Variants in RGS8 observed in about 807,000 individuals in gnomAD.
RGS8 encodes regulator of G protein signaling 8.
A neutral mutation model predicts 21.7 loss-of-function variants in RGS8; 8 were observed. The observed-to-expected ratio is 0.37, with a 90% CI of 0.22 to 0.66. The LOEUF (loss-of-function observed/expected upper bound fraction) is 0.66. RGS8 is among the 30% of genes least tolerant of loss of function. The probability of loss-of-function intolerance (pLI) is 0.59; values close to 1 mark genes in which losing one functional copy is unlikely to be tolerated. For synonymous variants in RGS8, 80 were observed against 83.6 expected (o/e 0.96, Z 0.24); for missense variants, 157 against 217.9 (o/e 0.72, Z 1.76).
upstream of RGS8, chr1:182,672,683 C>T: frequency 1.0e-6 from 1 of 994,514 alleles, no homozygotes. Context: ...CACCTCTCTC[C>T]CTCATCCATC....
At chr1:182,704,742 T>C in the RGS8 span, among the ~76,000 whole-genome samples, 3 of 152,200 alleles carry the variant, frequency 2.0e-5, no homozygotes, top group Non-Finnish European at 4.4e-5. Context: ...GGCAAGACCA[T>C]GTTGGACCCA....
At chr1:182,692,813 G>A in the RGS8 span, among the ~76,000 whole-genome samples, 1 of 151,566 alleles carries the variant, frequency 6.6e-6, no homozygotes, top group Non-Finnish European at 1.5e-5. Flanking sequence ...AGAGAACCCA[G>A]AAATAAAGCT....
chr1:182,689,860 TCA>T, the RGS8 span, among the ~76,000 whole-genome samples: 1 of 152,208 alleles, frequency 6.6e-6, no homozygotes, highest in Non-Finnish European at 1.5e-5. Flanking sequence ...CACTCATCAC[TCA>T]CAGAGTTTAA....
chr1:182,721,191 A>G, the RGS8 span, among the ~76,000 whole-genome samples: 3 of 151,330 alleles, frequency 2.0e-5, no homozygotes, highest in African/African-American at 7.3e-5. Flanking sequence ...AGAACCCCCA[A>G]TTTATTCATT....
At chr1:182,696,179 C>T in the RGS8 span, among the ~76,000 whole-genome samples, 1 of 152,154 alleles carries the variant, frequency 6.6e-6, no homozygotes, top group Non-Finnish European at 1.5e-5. Context: ...AAGAACCCAT[C>T]CAATTTAGGA....
At chr1:182,721,082 CATAT>C in the RGS8 span, among the ~76,000 whole-genome samples, 1 of 99,838 alleles carries the variant, frequency 1.0e-5, no homozygotes, top group African/African-American at 4.2e-5. Context: ...CATATATACA[CATAT>C]ATATGTGTGT....
At chr1:182,743,951 T>C in the RGS8 span, among the ~76,000 whole-genome samples, 1 of 152,186 alleles carries the variant, frequency 6.6e-6, no homozygotes, top group Non-Finnish European at 1.5e-5. Flanking sequence ...GAGTACTACC[T>C]CTTCCTGAAA....
upstream of RGS8, among the ~76,000 whole-genome samples, chr1:182,676,265 G>T (rs898115701): frequency 6.6e-6 from 1 of 152,206 alleles, no homozygotes; most frequent in African/African-American, 2.4e-5. Flanking sequence ...GAGAGTGGAG[G>T]AGGTTTATTG....
At chr1:182,698,393 C>T in the RGS8 span, among the ~76,000 whole-genome samples, 1 of 152,150 alleles carries the variant, frequency 6.6e-6, no homozygotes, top group Non-Finnish European at 1.5e-5. Context: ...AAGTAATAAC[C>T]CTGCCGTGCC....
At chr1:182,658,710 A>G (rs1303082274) in intron 5 of RGS8, 2 of 152,236 alleles carry the variant, frequency 1.3e-5, no homozygotes, top group Non-Finnish European at 2.9e-5. Flanking sequence ...AGGTGGCCAC[A>G]GTGGTTTGCA....
At chr1:182,681,793 T>C (rs1402716688) in intron 1 of RGS8, among the ~76,000 whole-genome samples, 1 of 152,160 alleles carries the variant, frequency 6.6e-6, no homozygotes, top group South Asian at 2.1e-4. Flanking sequence ...CTGAGCAAAT[T>C]CCCCCTGACA....
intron 5 of RGS8, chr1:182,658,398 C>T (rs1663390289): frequency 6.6e-6 from 1 of 152,168 alleles, no homozygotes; most frequent in Non-Finnish European, 1.5e-5. Context: ...AAGAGCACAA[C>T]AACAAAAACA....
chr1:182,732,585 T>C, the RGS8 span, among the ~76,000 whole-genome samples: 2 of 152,204 alleles, frequency 1.3e-5, no homozygotes, highest in Non-Finnish European at 1.5e-5. Flanking sequence ...GGAGAGGATA[T>C]GGCTTCAACA....
At chr1:182,734,283 C>T in the RGS8 span, 1 of 152,142 alleles carries the variant, frequency 6.6e-6, no homozygotes, top group Non-Finnish European at 1.5e-5. Flanking sequence ...ACAGTGTGAT[C>T]TGATTCTCTA....
At chr1:182,671,192 A>G (rs1267631030) in intron 2 of RGS8, among the ~76,000 whole-genome samples, 1 of 151,918 alleles carries the variant, frequency 6.6e-6, no homozygotes, top group African/African-American at 2.4e-5. Context: ...CGCTGCCCAA[A>G]TTGCTGCTCA....
the RGS8 span, among the ~76,000 whole-genome samples, chr1:182,729,378 T>C: frequency 5.3e-5 from 8 of 152,234 alleles, no homozygotes; most frequent in Non-Finnish European, 8.8e-5. Context: ...TCACTAGTGA[T>C]GTTAACACTG....
exon 4 of RGS8, chr1:182,666,873 T>C (rs1249915558): frequency 1.9e-6 from 3 of 1,608,812 alleles, no homozygotes; most frequent in Non-Finnish European, 2.6e-6. Flanking sequence ...ACTACTCACT[T>C]GAGAGCGCGG....
chr1:182,693,384 A>G, the RGS8 span, among the ~76,000 whole-genome samples: 1 of 152,208 alleles, frequency 6.6e-6, no homozygotes, highest in Non-Finnish European at 1.5e-5. Context: ...AACATCACTA[A>G]TCATTAGAGA....
At chr1:182,652,682 GTTTGA>G (rs1172216593) in intron 5 of RGS8, among the ~76,000 whole-genome samples, 2 of 152,208 alleles carry the variant, frequency 1.3e-5, no homozygotes, top group Non-Finnish European at 2.9e-5. Context: ...TCAAGGGGAA[GTTTGA>G]GCCAAGAAAA....
Sources: gnomAD v4.1 joint callset for allele counts (sites outside exome capture counted in the v4.1 genomes callset) on GRCh38, gnomAD v4.1.1 for gene constraint, MANE v1.5 for transcripts, NCBI Gene and HGNC (gene_info 2026-07-23, HGNC 2026-07-21) for gene names.